Variants in TBC1D22A observed in about 807,000 individuals in gnomAD.
TBC1D22A encodes TBC1 domain family member 22A, also known as putative GTPase activator.
TBC1D22A carries 38 observed loss-of-function variants against 60.2 expected under a neutral mutation model. The ratio of observed to expected loss-of-function variants is 0.63; its 90% CI spans 0.49 to 0.83. The LOEUF (loss-of-function observed/expected upper bound fraction) is 0.83. Among genes scored for constraint, TBC1D22A ranks in the 40% least tolerant of loss-of-function variants. The pLI, the probability that TBC1D22A is intolerant of heterozygous loss-of-function variation, is 0.00. For missense variants in TBC1D22A, 628 were observed against 701.0 expected (o/e 0.90, Z 1.18); for synonymous variants, 302 against 281.7 (o/e 1.07, Z -0.72).
intron 10 of TBC1D22A, among the ~76,000 whole-genome samples, chr22:47,006,149 G>C (rs2061585683): frequency 6.6e-6 from 1 of 152,228 alleles, no homozygotes; most frequent in South Asian, 2.1e-4. Flanking sequence ...TGGGGAATGT[G>C]TTGTTGCTGG....
chr22:46,770,048 A>G lies in TBC1D22A; in HGVS notation c.62+7200A>G, dbSNP rs1328206387. On this transcript the variant is annotated intron_variant, in intron 1 of 12. Transcript: ENST00000337137. The stretch of plus-strand genomic sequence containing the variant: ...ATGTTCTGTTACATGGCAGAGGGGA[A>G]TTAAGGTCGCTAATCAGCTGACCTG... Among the ~76,000 whole-genome samples the G allele has an allele frequency of 4.6e-5, 7 of 152,160 alleles. No individual in the cohort carries two copies. In the East Asian group the frequency reaches 1.2e-3, roughly 25 times the overall value.
chr22:46,770,287 G>T lies in TBC1D22A; in HGVS notation c.62+7439G>T, dbSNP rs562799689. 4.6e-5 allele frequency among the ~76,000 whole-genome samples: 7 copies of T among 152,310 alleles called. No homozygotes were observed. The South Asian group carries it at 1.2e-3, about 27-fold the overall frequency. On this transcript the variant is annotated intron_variant, in intron 1 of 12. Transcript: ENST00000337137. Reference sequence around the variant, plus strand: ...AGAGCAAGGCCTTGCTCCTGCATCCGCCAGGAGCTGAATTCTGCCGCCAAC... The same window carrying T: ...AGAGCAAGGCCTTGCTCCTGCATCCTCCAGGAGCTGAATTCTGCCGCCAAC...
intron 9 of TBC1D22A, among the ~76,000 whole-genome samples, chr22:46,992,571 A>G (rs1475383295): frequency 6.6e-6 from 1 of 152,252 alleles, no homozygotes; most frequent in African/African-American, 2.4e-5. Flanking sequence ...CTCCGGGGAT[A>G]GCATTCCCAG....
At chr22:46,908,549 A>C (rs1396893217) in intron 7 of TBC1D22A, among the ~76,000 whole-genome samples, 1 of 152,152 alleles carries the variant, frequency 6.6e-6, no homozygotes, top group Non-Finnish European at 1.5e-5. Flanking sequence ...AAATCTGAAG[A>C]ATTTGGACTG....
intron 10 of TBC1D22A, among the ~76,000 whole-genome samples, chr22:47,004,663 TAC>T (rs1009864533): frequency 2.1e-5 from 3 of 145,750 alleles, no homozygotes; most frequent in African/African-American, 8.1e-5. Flanking sequence ...GATGCCTATA[TAC>T]ACACACACCT....
chr22:46,893,321 C>T (rs1259852289), intron 6 of TBC1D22A, among the ~76,000 whole-genome samples: 2 of 152,096 alleles, frequency 1.3e-5, no homozygotes, highest in Admixed American at 6.5e-5. Flanking sequence ...TTCTGATTTG[C>T]CCAGTTCTGT....
chr22:47,095,386 A>G (rs192253505), intron 11 of TBC1D22A, among the ~76,000 whole-genome samples: 2 of 152,388 alleles, frequency 1.3e-5, no homozygotes, highest in East Asian at 3.9e-4. Flanking sequence ...CAATGCAATT[A>G]AAGGTGAAAT....
chr22:46,836,050 A>G (rs1001566640), intron 4 of TBC1D22A, among the ~76,000 whole-genome samples: 20 of 152,356 alleles, frequency 1.3e-4, no homozygotes, highest in Admixed American at 1.1e-3. Context: ...TTACTGCTAG[A>G]CCTGCTTTAA....
chr22:47,096,898 C>A (rs1045328810), intron 11 of TBC1D22A, among the ~76,000 whole-genome samples: 1 of 152,212 alleles, frequency 6.6e-6, no homozygotes, highest in Non-Finnish European at 1.5e-5. Flanking sequence ...GCCACTTTCT[C>A]CCCCACCCTC....
intron 11 of TBC1D22A, among the ~76,000 whole-genome samples, chr22:47,072,791 C>T (rs894817164): frequency 3.3e-5 from 5 of 152,262 alleles, no homozygotes; most frequent in African/African-American, 1.2e-4. Flanking sequence ...ACAGAACCTG[C>T]CCTCTGGCCA....
At chr22:47,129,129 G>GATCTCC (rs2066595158) in intron 12 of TBC1D22A, among the ~76,000 whole-genome samples, 1 of 152,188 alleles carries the variant, frequency 6.6e-6, no homozygotes, top group Non-Finnish European at 1.5e-5. Context: ...AGCTTCAGCA[G>GATCTCC]ATCTCCTAGG....
intron 1 of TBC1D22A, among the ~76,000 whole-genome samples, chr22:46,789,650 G>A (rs2146869982): frequency 6.6e-6 from 1 of 152,320 alleles, no homozygotes; most frequent in South Asian, 2.1e-4. Flanking sequence ...ATAGGAATGG[G>A]ATACTGAATA....
intron 11 of TBC1D22A, among the ~76,000 whole-genome samples, chr22:47,069,575 G>T (rs1280163998): frequency 2.0e-5 from 3 of 152,272 alleles, no homozygotes; most frequent in African/African-American, 7.2e-5. Context: ...TTGTTTGGAT[G>T]GAGCGGAGCT....
intron 4 of TBC1D22A, among the ~76,000 whole-genome samples, chr22:46,820,626 G>T (rs2147093709): frequency 6.6e-6 from 1 of 152,328 alleles, no homozygotes; most frequent in African/African-American, 2.4e-5. Context: ...TTTTGCATTT[G>T]CTGAGGAGTG....
In TBC1D22A at chr22:46,797,571, C is replaced by A. The variant is rs751072854; in HGVS notation, c.588C>A (p.Ser196=). 6.2e-7 allele frequency: 1 copy of A among 1,613,136 alleles called. No individual in the cohort carries two copies. The highest frequency in any genetic ancestry group is 1.7e-5 in the Admixed American group (1 of 59,940). ...CAGCGCTGAGCGAAAGAGAGGCCTC[C>A]CGGCTCGACAAGTTCAAGCAGCTGC... The part of the protein sequence containing the change: ...SSSALSEREA[S]RLDKFKQLLA... Residue 196 remains serine, a synonymous_variant, in exon 4 of 13, where the codon TCC becomes TCA. Transcript: ENST00000337137.
chr22:46,941,205 G>C (rs980918185), intron 8 of TBC1D22A, among the ~76,000 whole-genome samples: 1 of 26,932 alleles, frequency 3.7e-5, no homozygotes, highest in Non-Finnish European at 7.0e-5. Flanking sequence ...ATGTATATAT[G>C]TATACACACA....
intron 12 of TBC1D22A, among the ~76,000 whole-genome samples, chr22:47,141,771 GAGA>G (rs1032335499): frequency 6.6e-6 from 1 of 152,222 alleles, no homozygotes; most frequent in Non-Finnish European, 1.5e-5. Flanking sequence ...AAGGGAAGGA[GAGA>G]AGGAGGGAGA....
chr22:47,047,914 C>T (rs1280393481), intron 11 of TBC1D22A, among the ~76,000 whole-genome samples: 1 of 152,232 alleles, frequency 6.6e-6, no homozygotes, highest in Non-Finnish European at 1.5e-5. Flanking sequence ...GCCCACAGGA[C>T]TTCTCCAAAG....
chr22:46,808,214 C>T (rs769989100), intron 4 of TBC1D22A, among the ~76,000 whole-genome samples: 69 of 152,132 alleles, frequency 4.5e-4, no homozygotes, highest in Non-Finnish European at 7.1e-4. Context: ...AAAAATTAGC[C>T]GGGCGTGATG....
Sources: gnomAD v4.1 joint callset for allele counts (sites outside exome capture counted in the v4.1 genomes callset) on GRCh38, gnomAD v4.1.1 for gene constraint, MANE v1.5 for transcripts, NCBI Gene and HGNC (gene_info 2026-07-23, HGNC 2026-07-21) for gene names.